LDB2: variants seen among roughly 807,000 people sequenced by gnomAD.
LDB2 encodes LIM domain-binding protein 2.
Under a neutral mutation model 44.3 loss-of-function variants are expected in LDB2, and 12 were observed. The ratio of observed to expected loss-of-function variants is 0.27; its 90% CI spans 0.17 to 0.44. The LOEUF (loss-of-function observed/expected upper bound fraction) is 0.44. Ranked by LOEUF, LDB2 falls within the 20% of genes least tolerant of loss-of-function variation. The pLI, the probability that LDB2 is intolerant of heterozygous loss-of-function variation, is 1.00. For synonymous variants in LDB2, 164 were observed against 174.8 expected, an observed-to-expected ratio of 0.94 and a Z score of 0.49; for missense variants, 344 against 473.5, an observed-to-expected ratio of 0.73 and a Z score of 2.54.
At chr4:16,822,553 TC>T (rs1177915258) in intron 1 of LDB2, among the ~76,000 whole-genome samples, 1 of 152,200 alleles carries the variant, frequency 6.6e-6, no homozygotes, top group African/African-American at 2.4e-5. Flanking sequence ...TCTTGCTCTT[TC>T]GCCCTGGCTG....
At chr4:16,787,506 C>T (rs1198231132) in intron 1 of LDB2, among the ~76,000 whole-genome samples, 7 of 151,954 alleles carry the variant, frequency 4.6e-5, no homozygotes, top group Admixed American at 6.6e-5. Context: ...CCCAGCTACT[C>T]GGGAGGCTGA....
chr4:16,861,616 T>TC (rs1407789266), intron 1 of LDB2, among the ~76,000 whole-genome samples: 1 of 152,202 alleles, frequency 6.6e-6, no homozygotes, highest in African/African-American at 2.4e-5. Context: ...GGCCTCCTTC[T>TC]AATCACAGGG....
intron 5 of LDB2, among the ~76,000 whole-genome samples, chr4:16,546,300 A>C (rs1338228726): frequency 6.6e-6 from 1 of 152,240 alleles, no homozygotes; most frequent in Non-Finnish European, 1.5e-5. Context: ...TGAAGGCGCA[A>C]TTAAAACAAC....
intron 2 of LDB2, among the ~76,000 whole-genome samples, chr4:16,701,251 C>T (rs773590466): frequency 1.1e-4 from 16 of 152,194 alleles, no homozygotes; most frequent in Non-Finnish European, 1.8e-4. Context: ...GATATCAGTG[C>T]TCAATAGATA....
intron 2 of LDB2, among the ~76,000 whole-genome samples, chr4:16,644,156 A>T (rs1008749616): frequency 6.6e-6 from 1 of 152,224 alleles, no homozygotes; most frequent in Non-Finnish European, 1.5e-5. Context: ...AGCTCTGTTT[A>T]TACCTTGGAA....
intron 2 of LDB2, among the ~76,000 whole-genome samples, chr4:16,616,025 C>T (rs192659665): frequency 6.6e-6 from 1 of 152,296 alleles, no homozygotes; most frequent in Non-Finnish European, 1.5e-5. Flanking sequence ...ATAAAACCAT[C>T]CATGAAATGC....
chr4:16,876,899 T>C (rs980267106), intron 1 of LDB2, among the ~76,000 whole-genome samples: 6 of 146,980 alleles, frequency 4.1e-5, no homozygotes, highest in African/African-American at 1.5e-4. Context: ...GTGGAATTTG[T>C]ATAGTGCTTT....
At chr4:16,776,023 A>T (rs1236862110) in intron 1 of LDB2, among the ~76,000 whole-genome samples, 4 of 152,192 alleles carry the variant, frequency 2.6e-5, no homozygotes, top group Non-Finnish European at 5.9e-5. Flanking sequence ...GAGAAAAGAG[A>T]GCTTTAGAAA....
chr4:16,563,429 A>ATTTTTTTTTTTTTT lies in LDB2; in HGVS notation c.615+22479_615+22492dup, dbSNP rs1169491759. 1.1e-4 allele frequency among the ~76,000 whole-genome samples: 5 copies of ATTTTTTTTTTTTTT among 46,576 alleles called. 1 individual carries two copies. The highest frequency in any genetic ancestry group is 8.2e-4 in the South Asian group (1 of 1,214). The allele number at this position is 46,576 out of a possible 152,430, so 30.6% of individuals were successfully genotyped here. A position where few individuals can be genotyped will look rare whatever the true frequency, so the allele number is the denominator to read the frequency against. On this transcript the variant is annotated intron_variant, in intron 5 of 7. Coordinates refer to ENST00000304523, the MANE Select transcript of LDB2 (RefSeq NM_001290.5). ...TCAAAACCATCTCATCAGTCATCAGATTTTTTTTTTTTTTTTTTTTTTTTT... is the reference window on the plus strand; with the variant it reads ...TCAAAACCATCTCATCAGTCATCAGATTTTTTTTTTTTTTTTTTTTTTTTTTTTTTTTTTTTTTT...
intron 2 of LDB2, among the ~76,000 whole-genome samples, chr4:16,608,264 T>A (rs1340579634): frequency 2.0e-5 from 3 of 149,652 alleles, no homozygotes; most frequent in Non-Finnish European, 4.4e-5. Flanking sequence ...TCCAGGGGCA[T>A]TTTACAGGAA....
chr4:16,805,959 G>A (rs1778711844), intron 1 of LDB2, among the ~76,000 whole-genome samples: 1 of 152,146 alleles, frequency 6.6e-6, no homozygotes, highest in African/African-American at 2.4e-5. Context: ...CAGCCTCCAT[G>A]AAGCTGTCAG....
intron 2 of LDB2, among the ~76,000 whole-genome samples, chr4:16,670,718 C>A (rs1180208839): frequency 6.6e-6 from 1 of 152,140 alleles, no homozygotes; most frequent in Non-Finnish European, 1.5e-5. Context: ...GCTTTAATAT[C>A]CTCATCTATA....
chr4:16,577,697 C>T (rs1401459247), intron 5 of LDB2, among the ~76,000 whole-genome samples: 2 of 152,116 alleles, frequency 1.3e-5, no homozygotes, highest in African/African-American at 4.8e-5. Context: ...CAATGACATT[C>T]TTCACAAAAA....
chr4:16,588,858 T>G, intron 3 of LDB2, 26 bp from the exon 4 acceptor site: 3 of 1,611,120 alleles, frequency 1.9e-6, no homozygotes, highest in Non-Finnish European at 2.5e-6. Flanking sequence ...CACACAGTCA[T>G]TCATTACGCA....
chr4:16,747,451 T>C (rs1441213394), intron 2 of LDB2, among the ~76,000 whole-genome samples: 2 of 152,130 alleles, frequency 1.3e-5, no homozygotes, highest in Admixed American at 6.5e-5. Flanking sequence ...GGAAAGCAAA[T>C]AAGTATGAGA....
chr4:16,601,003 G>A (rs1264560931), intron 2 of LDB2, among the ~76,000 whole-genome samples: 2 of 151,794 alleles, frequency 1.3e-5, no homozygotes, highest in African/African-American at 4.8e-5. Flanking sequence ...AAAACTTAAG[G>A]ATGTTTATAA....
intron 1 of LDB2, among the ~76,000 whole-genome samples, chr4:16,808,671 GT>G (rs570582375): frequency 3.1e-4 from 47 of 152,274 alleles, no homozygotes; most frequent in Admixed American, 2.4e-3. Flanking sequence ...AAAGGTTATT[GT>G]TTTGTAGTGT....
chr4:16,520,149 G>A lies in LDB2; in HGVS notation c.616-8045C>T, dbSNP rs190918005. On this transcript the variant is annotated intron_variant, in intron 5 of 7. Transcript: ENST00000304523. ...ACCCTCCCCTCCCCGCCGCCCCACC[G>A]CCAGTAATTTACTCCTCTGGCTAAA... Among the ~76,000 whole-genome samples the A allele has an allele frequency of 2.0e-4, 30 of 151,904 alleles. No individual in the cohort carries two copies. The East Asian group carries it at 2.5e-3, about 13-fold the overall frequency.
At chr4:16,878,504 T>C (rs1447727237) in intron 1 of LDB2, among the ~76,000 whole-genome samples, 1 of 152,218 alleles carries the variant, frequency 6.6e-6, no homozygotes, top group African/African-American at 2.4e-5. Flanking sequence ...TTTAAATCCT[T>C]TGAAGCCATT....
Sources: gnomAD v4.1 joint callset for allele counts (sites outside exome capture counted in the v4.1 genomes callset) on GRCh38, gnomAD v4.1.1 for gene constraint, MANE v1.5 for transcripts, NCBI Gene and HGNC (gene_info 2026-07-23, HGNC 2026-07-21) for gene names.